The following ERICH3 variants were observed in gnomAD, a reference collection of about 807,000 sequenced individuals.
The protein encoded by ERICH3 is glutamate-rich protein 3.
In ERICH3, 126 loss-of-function variants were observed where a neutral mutation model predicts 131.1. The observed-to-expected ratio is 0.96, with a 90% CI of 0.83 to 1.11. The LOEUF is 1.11. Among genes scored for constraint, ERICH3 ranks in the 50% most tolerant of loss-of-function variants. ERICH3 has a pLI of 0.00. For missense variants in ERICH3, 2,050 were observed against 1,810.7 expected, an observed-to-expected ratio of 1.13 and a Z score of -2.40; for synonymous variants, 695 against 644.6, an observed-to-expected ratio of 1.08 and a Z score of -1.18.
intron 11 of ERICH3, among the ~76,000 whole-genome samples, chr1:74,595,373 G>T (rs939144337): frequency 1.3e-5 from 2 of 151,776 alleles, no homozygotes; most frequent in African/African-American, 4.8e-5. Context: ...GTCTTAAGAG[G>T]GAACATATGC....
chr1:74,575,340 A>C (rs1333622532), intron 13 of ERICH3, among the ~76,000 whole-genome samples: 1 of 152,182 alleles, frequency 6.6e-6, no homozygotes, highest in Non-Finnish European at 1.5e-5. Flanking sequence ...AAAGGAGTAA[A>C]ATAAAAATTT....
intron 13 of ERICH3, among the ~76,000 whole-genome samples, chr1:74,576,408 C>A (rs1353661368): frequency 6.6e-6 from 1 of 152,168 alleles, no homozygotes; most frequent in Non-Finnish European, 1.5e-5. Flanking sequence ...TCTCTAAGAT[C>A]ATGGTGCCTC....
At chr1:74,622,698 C>T (rs1035385953) in intron 7 of ERICH3, 1 of 152,114 alleles carries the variant, frequency 6.6e-6, no homozygotes, top group African/African-American at 2.4e-5. Context: ...TATATAAATA[C>T]TAGGTAATAG....
Position 74,612,652 on chromosome 1 carries a change from C to A in ERICH3, c.1158G>T (p.Val386=), listed in dbSNP as rs764912685. 1.9e-6 allele frequency: 3 copies of A among 1,587,010 alleles called. No individual in the cohort carries two copies. Among genetic ancestry groups the A allele is most frequent in the Middle Eastern group, 1.7e-4 (1 of 5,956 alleles). Residue 386 remains valine (V), a synonymous_variant, in exon 9 of 15, where the codon GTG becomes GTT. Transcript: ENST00000326665. Reference sequence around the variant, plus strand: ...AGCAAGGAGATGATCTCTCAACACACACAAACCCAAAGTAGCCTCGTTTGC... The same window carrying A: ...AGCAAGGAGATGATCTCTCAACACAAACAAACCCAAAGTAGCCTCGTTTGC... ...LGGKRGYFGF[V]CVERSSPCYK... is the part of the protein sequence containing the mutation.
intron 1 of ERICH3, among the ~76,000 whole-genome samples, chr1:74,672,129 T>G (rs1646748286): frequency 6.6e-6 from 1 of 152,234 alleles, no homozygotes. Flanking sequence ...TATTAAATGG[T>G]CTAATCAGAT....
intron 11 of ERICH3, among the ~76,000 whole-genome samples, chr1:74,590,894 A>C (rs12408585): frequency 6.6e-6 from 1 of 152,214 alleles, no homozygotes; most frequent in Admixed American, 6.5e-5. Context: ...GCCATTTTTT[A>C]TTGAAAACGC....
In ERICH3 at chr1:74,606,801, T is replaced by C; in HGVS notation, c.1289A>G (p.Lys430Arg). The change falls in exon 10 of 15, where the codon AAA becomes AGA. Residue 430 changes from lysine (K) to arginine (R), a missense_variant. Lys to Arg is a conservative substitution (Grantham distance 26). Transcript: ENST00000326665. ...CACATACTCTCTCTCTTTCCTCACT[T>C]TCCCCTCAGCCTTCTTCAGTTCCTC... The part of the protein sequence containing the change: ...KGEELKKAEG[K>R]VRKEREYVIP... 1 of 1,613,440 alleles carries C rather than the reference T, an allele frequency of 6.2e-7. No homozygotes were observed. Among genetic ancestry groups the C allele is most frequent in the Non-Finnish European group, 8.5e-7 (1 of 1,179,590 alleles).
intron 9 of ERICH3, among the ~76,000 whole-genome samples, chr1:74,609,463 A>G (rs894782097): frequency 1.3e-5 from 2 of 152,100 alleles, no homozygotes; most frequent in African/African-American, 4.8e-5. Flanking sequence ...GAGTGACAAC[A>G]AAGCCAAGGT....
chr1:74,621,760 G>C (rs1649229967), intron 7 of ERICH3: 1 of 152,158 alleles, frequency 6.6e-6, no homozygotes. Flanking sequence ...AATGAGCACA[G>C]TGTTTGCCTG....
intron 12 of ERICH3, among the ~76,000 whole-genome samples, chr1:74,587,445 C>G (rs1018243343): frequency 6.6e-6 from 1 of 151,130 alleles, no homozygotes; most frequent in Non-Finnish European, 1.5e-5. Context: ...TAGATGTTAT[C>G]AAGTCAAGAC....
Position 74,632,419 on chromosome 1 carries a change from T to C in ERICH3, c.604-491A>G, listed in dbSNP as rs896940293. On this transcript the variant is annotated intron_variant, in intron 6 of 14. Transcript: ENST00000326665. ...TACTATTTAGAGTAAATTATTACAT[T>C]TACAGAGGAAAAATTAAAATATTTA... Among the ~76,000 whole-genome samples the C allele has an allele frequency of 4.6e-5, 7 of 151,998 alleles. No individual in the cohort carries two copies. The South Asian group carries it at 8.3e-4, about 18-fold the overall frequency.
intron 13 of ERICH3, among the ~76,000 whole-genome samples, chr1:74,575,779 T>C (rs1243949528): frequency 2.0e-5 from 3 of 152,212 alleles, no homozygotes; most frequent in Non-Finnish European, 4.4e-5. Flanking sequence ...ATATTATGCC[T>C]AAATTCTAGG....
chr1:74,648,693 G>T (rs182910055), intron 2 of ERICH3, among the ~76,000 whole-genome samples: 315 of 152,196 alleles, frequency 2.1e-3, no homozygotes, highest in Non-Finnish European at 3.1e-3. Context: ...GTTTCACATT[G>T]TATACATTTA....
chr1:74,627,396 G>A (rs570077605), intron 7 of ERICH3, among the ~76,000 whole-genome samples: 43 of 151,882 alleles, frequency 2.8e-4, no homozygotes, highest in African/African-American at 1.0e-3. Flanking sequence ...TAAGGAAGAG[G>A]CAATTAATAG....
chr1:74,582,469 G>GA (rs1020234929), intron 12 of ERICH3, among the ~76,000 whole-genome samples: 6 of 151,464 alleles, frequency 4.0e-5, no homozygotes, highest in African/African-American at 7.3e-5. Context: ...ATACAACAGG[G>GA]AAAAAAAATC....
At chr1:74,624,086 G>A (rs897742172) in intron 7 of ERICH3, 1 of 152,096 alleles carries the variant, frequency 6.6e-6, no homozygotes, top group Admixed American at 6.6e-5. Flanking sequence ...GATCCAACTG[G>A]ACACAGACAT....
chr1:74,607,037 A>G, intron 9 of ERICH3, 135 bp from the exon 10 acceptor site: 1 of 606,550 alleles, frequency 1.6e-6, no homozygotes. Flanking sequence ...GTACACACTA[A>G]TAAAAATAAA....
In ERICH3 at chr1:74,568,251, A is replaced by T. The variant is rs933665043; in HGVS notation, c.*2207T>A. 2 of 152,180 alleles carry T rather than the reference A, an allele frequency of 1.3e-5. No homozygotes were observed. Among genetic ancestry groups the T allele is most frequent in the Non-Finnish European group, 2.9e-5 (2 of 67,994 alleles). The allele number at this position is 152,180 out of a possible 1,614,324, so 9.4% of individuals were successfully genotyped here. ...CTTATTCAAAATATCACAATACTGA[A>T]TTTCACAGTTAAATTCACATGCAGA... On this transcript the variant is annotated 3_prime_UTR_variant, in exon 15 of 15. Coordinates refer to ENST00000326665, the MANE Select transcript of ERICH3 (RefSeq NM_001002912.5).
intron 8 of ERICH3, among the ~76,000 whole-genome samples, chr1:74,615,980 T>C (rs1386924292): frequency 3.3e-5 from 5 of 151,942 alleles, no homozygotes; most frequent in Non-Finnish European, 7.4e-5. Context: ...GTAGTTTGGG[T>C]TTTTTTATTT....
Sources: gnomAD v4.1 joint callset for allele counts (sites outside exome capture counted in the v4.1 genomes callset) on GRCh38, gnomAD v4.1.1 for gene constraint, MANE v1.5 for transcripts, NCBI Gene and HGNC (gene_info 2026-07-23, HGNC 2026-07-21) for gene names.